The following UBE2Q2 variants were observed in gnomAD, a reference collection of about 807,000 sequenced individuals.
UBE2Q2 encodes ubiquitin-conjugating enzyme E2 Q2.
In UBE2Q2, 54 loss-of-function variants were observed where a neutral mutation model predicts 59.9. That is an observed-to-expected ratio of 0.90 (90% CI 0.72 to 1.13). The LOEUF (loss-of-function observed/expected upper bound fraction) is 1.13. Ranked by LOEUF, UBE2Q2 falls within the 50% of genes most tolerant of loss-of-function variation. UBE2Q2 has a pLI of 0.00. For missense variants in UBE2Q2, 433 were observed against 441.9 expected (o/e 0.98, Z 0.18); for synonymous variants, 165 against 155.2 (o/e 1.06, Z -0.47).
chr15:75,869,470 C>T (rs1020860723), intron 4 of UBE2Q2, among the ~76,000 whole-genome samples: 1 of 152,152 alleles, frequency 6.6e-6, no homozygotes, highest in African/African-American at 2.4e-5. Flanking sequence ...TAACAGAATA[C>T]TGGAGACTGG....
At chr15:75,874,997 A>G (rs1250136475) in intron 5 of UBE2Q2, among the ~76,000 whole-genome samples, 1 of 152,236 alleles carries the variant, frequency 6.6e-6, no homozygotes, top group Non-Finnish European at 1.5e-5. Context: ...AATTTTTAGT[A>G]GAGCAAAGAA....
chr15:75,876,850 A>G (rs1898112821), intron 6 of UBE2Q2, among the ~76,000 whole-genome samples: 1 of 152,154 alleles, frequency 6.6e-6, no homozygotes, highest in Admixed American at 6.6e-5. Flanking sequence ...TAATGAGCCA[A>G]ACTTTAATTT....
chr15:75,856,903 C>T (rs1439270433), intron 2 of UBE2Q2, among the ~76,000 whole-genome samples: 5 of 150,910 alleles, frequency 3.3e-5, no homozygotes, highest in African/African-American at 7.3e-5. Context: ...ATTGTGCCAC[C>T]GTACTCTAGC....
intron 1 of UBE2Q2, chr15:75,844,294 TC>T: frequency 1.3e-6 from 2 of 1,545,658 alleles, no homozygotes; most frequent in Non-Finnish European, 1.7e-6. Flanking sequence ...AGTCGGATTT[TC>T]CTTCTTCCCG....
In UBE2Q2 at chr15:75,844,124, G is replaced by A. The variant is rs2134736; in HGVS notation, c.180+278G>A. The A allele has an allele frequency of 3.9e-5, 55 of 1,415,146 alleles. No individual in the cohort carries two copies. In the Admixed American group the frequency reaches 6.8e-4, roughly 17 times the overall value. The allele number at this position is 1,415,146 out of a possible 1,614,324, so 87.7% of individuals were successfully genotyped here. A position where few individuals can be genotyped will look rare whatever the true frequency, so the allele number is the denominator to read the frequency against. ...TCCCCGTCTCCTAGCCCCGAGGGGG[G>A]AGTCCGCGGCGGCCCAAGCCCTTGT... On this transcript the variant is annotated intron_variant, in intron 1 of 12. Coordinates refer to ENST00000267938, the MANE Select transcript of UBE2Q2 (RefSeq NM_173469.4).
rs549357809 is a variant in UBE2Q2, at chr15:75,889,066, G to A, written c.885-1369G>A. Among the ~76,000 whole-genome samples, 12 of 152,280 alleles carry A rather than the reference G, an allele frequency of 7.9e-5. No homozygotes were observed. The South Asian group carries it at 2.5e-3, about 32-fold the overall frequency. On this transcript the variant is annotated intron_variant, in intron 9 of 12. Coordinates refer to ENST00000267938, the MANE Select transcript of UBE2Q2 (RefSeq NM_173469.4). ...GAACCAAAATCTAAATGAGTACCTGGATCTTCTAATTCTGTTAAATCAGTG... is the reference window on the plus strand; with the variant it reads ...GAACCAAAATCTAAATGAGTACCTGAATCTTCTAATTCTGTTAAATCAGTG...
intron 5 of UBE2Q2, 40 bp from the exon 6 acceptor site, chr15:75,876,147 G>T: frequency 6.3e-7 from 1 of 1,586,166 alleles, no homozygotes; most frequent in Non-Finnish European, 8.6e-7. Context: ...TTAAATCTTA[G>T]CTCAGCAGAC....
chr15:75,844,425 C>T (rs1896211343), intron 1 of UBE2Q2: 1 of 1,551,624 alleles, frequency 6.4e-7, no homozygotes, highest in African/African-American at 1.4e-5. Context: ...ACCCCTCTCC[C>T]CCGGGCCTGG....
intron 3 of UBE2Q2, among the ~76,000 whole-genome samples, chr15:75,867,064 CTT>C (rs996254151): frequency 9.2e-5 from 14 of 152,256 alleles, no homozygotes; most frequent in African/African-American, 3.4e-4. Flanking sequence ...AATTGTCACT[CTT>C]TTCTACTGTG....
chr15:75,852,309 C>T (rs959543752), intron 1 of UBE2Q2, among the ~76,000 whole-genome samples: 1 of 152,142 alleles, frequency 6.6e-6, no homozygotes, highest in Non-Finnish European at 1.5e-5. Context: ...AAAGTGCCAG[C>T]GTTTTTACCC....
At position 75,874,841 on chromosome 15, in the gene UBE2Q2, C is replaced by T. The variant is rs139027818; in HGVS notation, c.588+1273C>T. Reference sequence around the variant, plus strand: ...TTGTGTTAGAGCTATTGACCAACTCCGTGAAATCTGAGTAGCAGTTACTTT... The same window carrying T: ...TTGTGTTAGAGCTATTGACCAACTCTGTGAAATCTGAGTAGCAGTTACTTT... On this transcript the variant is annotated intron_variant, in intron 5 of 12. Transcript: ENST00000267938. Among the ~76,000 whole-genome samples, 33 of 152,262 alleles carry T rather than the reference C, an allele frequency of 2.2e-4. 1 individual carries two copies. The East Asian group carries it at 3.9e-3, about 18-fold the overall frequency.
chr15:75,873,576 T>C lies in UBE2Q2; in HGVS notation c.588+8T>C. ...AGGCAAGACCATTTAAATGTAAGTGTGTGTAGATATCTAGAACCTGGACTT... is the reference window on the plus strand; with the variant it reads ...AGGCAAGACCATTTAAATGTAAGTGCGTGTAGATATCTAGAACCTGGACTT... On this transcript the variant is annotated splice_region_variant and intron_variant, in intron 5 of 12. Coordinates refer to ENST00000267938, the MANE Select transcript of UBE2Q2 (RefSeq NM_173469.4). 4 of 1,604,184 alleles carry C rather than the reference T, an allele frequency of 2.5e-6. No individual in the cohort carries two copies. The highest frequency in any genetic ancestry group is 1.1e-5 in the South Asian group (1 of 88,814).
Position 75,843,827 on chromosome 15 carries a change from C to A in UBE2Q2, c.161C>A (p.Thr54Lys). The part of the protein sequence containing the change: ...GSPHSLPPPL[T>K]LHCNITESYP... Reference sequence around the variant, plus strand: ...CCGCACTCGCTGCCGCCGCCACTCACGCTCCACTGCAACATCACGGTGAGG... The same window carrying A: ...CCGCACTCGCTGCCGCCGCCACTCAAGCTCCACTGCAACATCACGGTGAGG... Residue 54 changes from threonine (T) to lysine (K), a missense_variant, in exon 1 of 13, where the codon ACG (threonine) becomes AAG (lysine). Thr to Lys is a moderately conservative substitution (Grantham distance 78). Transcript: ENST00000267938. The A allele has an allele frequency of 6.3e-7, 1 of 1,595,648 alleles. No individual in the cohort carries two copies. Among genetic ancestry groups the A allele is most frequent in the Non-Finnish European group, 8.5e-7 (1 of 1,173,014 alleles).
intron 6 of UBE2Q2, 134 bp from the exon 7 acceptor site, chr15:75,877,827 T>G: frequency 1.6e-6 from 1 of 616,474 alleles, no homozygotes; most frequent in Admixed American, 3.2e-5. Flanking sequence ...TAATATTTAC[T>G]ATATAGCTTA....
chr15:75,876,491 C>T (rs1314629480), intron 6 of UBE2Q2, among the ~76,000 whole-genome samples: 1 of 152,072 alleles, frequency 6.6e-6, no homozygotes, highest in Admixed American at 6.5e-5. Context: ...TTTATAGGTC[C>T]ATTGGAATTT....
intron 7 of UBE2Q2, among the ~76,000 whole-genome samples, 195 bp from the exon 8 acceptor site, chr15:75,878,903 A>C (rs1486764846): frequency 6.6e-6 from 1 of 151,918 alleles, no homozygotes; most frequent in Non-Finnish European, 1.5e-5. Context: ...TCTTTTGGAC[A>C]TTTATTCCCA....
At chr15:75,853,808 T>C (rs952566661) in intron 1 of UBE2Q2, among the ~76,000 whole-genome samples, 24 of 152,308 alleles carry the variant, frequency 1.6e-4, no homozygotes, top group Admixed American at 3.9e-4. Flanking sequence ...AGCTCACTTA[T>C]GTAGATGTTG....
Position 75,899,565 on chromosome 15 carries a change from A to G in UBE2Q2, c.*107A>G. ...CTATTACAGCAGTACCGAAGATGTT[A>G]GTTAATAGATATTTTAGTGGATAAT... On this transcript the variant is annotated 3_prime_UTR_variant, in exon 13 of 13. Coordinates refer to ENST00000267938, the MANE Select transcript of UBE2Q2 (RefSeq NM_173469.4). 1.2e-6 allele frequency: 1 copy of G among 862,230 alleles called. No homozygotes were observed. The highest frequency in any genetic ancestry group is 1.5e-5 in the South Asian group (1 of 65,144). 53.4% of individuals were successfully genotyped at this position (862,230 alleles called of 1,614,324 possible). A position where few individuals can be genotyped will look rare whatever the true frequency, so the allele number is the denominator to read the frequency against.
At chr15:75,844,046 G>T in intron 1 of UBE2Q2, 200 bp downstream of exon 1, 1 of 1,408,314 alleles carries the variant, frequency 7.1e-7, no homozygotes, top group Non-Finnish European at 9.2e-7. Context: ...CGGAGGGCGC[G>T]TCTTTCCGGC....
Sources: gnomAD v4.1 joint callset for allele counts (sites outside exome capture counted in the v4.1 genomes callset) on GRCh38, gnomAD v4.1.1 for gene constraint, MANE v1.5 for transcripts, NCBI Gene and HGNC (gene_info 2026-07-23, HGNC 2026-07-21) for gene names.